Variants in ZFHX3 observed in about 807,000 individuals in gnomAD.
ZFHX3 encodes the protein zinc finger homeobox protein 3.
A neutral mutation model predicts 279.1 loss-of-function variants in ZFHX3; 42 were observed. The ratio of observed to expected loss-of-function variants is 0.15; its 90% confidence interval spans 0.12 to 0.19. The LOEUF (loss-of-function observed/expected upper bound fraction) is 0.19. Among genes scored for constraint, ZFHX3 ranks in the 10% least tolerant of loss-of-function variants. ZFHX3 has a pLI of 1.00. For missense variants in ZFHX3, 4,981 were observed against 4,754.0 expected (o/e 1.05, Z -1.40); for synonymous variants, 2,293 against 1,957.8 (o/e 1.17, Z -4.52).
chr16:73,240,834 G>A (rs1567427499), intron 5 of ZFHX3, among the ~76,000 whole-genome samples: 1 of 152,226 alleles, frequency 6.6e-6, no homozygotes. Context: ...TAGTGAAAGA[G>A]TAGAGTTTTG....
intron 3 of ZFHX3, among the ~76,000 whole-genome samples, chr16:73,433,897 TG>T (rs376426727): frequency 3.8e-4 from 58 of 152,274 alleles, no homozygotes; most frequent in African/African-American, 1.4e-3. Flanking sequence ...GAGGCTGCAC[TG>T]GGGTTATGTC....
intron 1 of ZFHX3, among the ~76,000 whole-genome samples, chr16:73,789,341 C>T (rs1394124228): frequency 3.3e-5 from 5 of 151,848 alleles, no homozygotes; most frequent in Non-Finnish European, 5.9e-5. Flanking sequence ...TCAGCACACC[C>T]GGCTAATTTT....
At chr16:73,444,053 G>A (rs923423030) in intron 3 of ZFHX3, among the ~76,000 whole-genome samples, 3 of 152,142 alleles carry the variant, frequency 2.0e-5, no homozygotes, top group Admixed American at 6.5e-5. Context: ...GAGCCACCAC[G>A]CCAAGTCCTT....
In ZFHX3 at chr16:72,795,744, C is replaced by T. The variant is rs763494543; in HGVS notation, c.6938G>A (p.Arg2313His). The T allele has an allele frequency of 1.2e-5, 19 of 1,614,068 alleles. No homozygotes were observed. Among genetic ancestry groups the T allele is most frequent in the South Asian group, 6.6e-5 (6 of 91,088 alleles). ...NQGEGKDGER[R>H]ELTNDRYIRT... ...AATGTATCTATCATTTGTAAGCTCA[C>T]GCCGCTCTCCATCTTTGCCCTCTCC... The change falls in exon 9 of 10, where the codon CGT becomes CAT. Residue 2313 changes from arginine (R) to histidine (H), a missense_variant. Transcript: ENST00000268489.
chr16:72,802,021 A>T (rs1019618358), intron 7 of ZFHX3, among the ~76,000 whole-genome samples: 1 of 151,126 alleles, frequency 6.6e-6, no homozygotes, highest in Non-Finnish European at 1.5e-5. Flanking sequence ...CATGAGAAAT[A>T]AAAAAAAAGC....
chr16:73,166,512 G>A (rs1967373392), intron 5 of ZFHX3, among the ~76,000 whole-genome samples: 2 of 152,108 alleles, frequency 1.3e-5, no homozygotes, highest in African/African-American at 4.8e-5. Context: ...AGTCAACTCA[G>A]CTCAACCAAT....
chr16:72,895,202 A>AGT (rs1356760944), intron 3 of ZFHX3, among the ~76,000 whole-genome samples: 1 of 152,228 alleles, frequency 6.6e-6, no homozygotes, highest in Non-Finnish European at 1.5e-5. Flanking sequence ...TGATGCAGGC[A>AGT]GTGTCAGCAG....
intron 4 of ZFHX3, among the ~76,000 whole-genome samples, chr16:73,312,308 C>T (rs1305290334): frequency 6.6e-6 from 1 of 152,074 alleles, no homozygotes; most frequent in Non-Finnish European, 1.5e-5. Flanking sequence ...ATGTGCTGTG[C>T]ATGGGCCCAG....
intron 1 of ZFHX3, among the ~76,000 whole-genome samples, chr16:73,753,385 T>C (rs328341): frequency 0.79 from 119,856 of 152,160 alleles, 47,628 homozygotes; most frequent in East Asian, 0.96. Flanking sequence ...CCACATATAC[T>C]GTGGCAGCAA....
Position 73,775,388 on chromosome 16 carries a change from C to T in ZFHX3, c.-1607-95148G>A, listed in dbSNP as rs867140874. Reference sequence around the variant, plus strand: ...TCTATTCACCTTCTGAATCTTTTAACCCCACCTCCCTCAGCTGAGAAAAGA... The same window carrying T: ...TCTATTCACCTTCTGAATCTTTTAATCCCACCTCCCTCAGCTGAGAAAAGA... On this transcript the variant is annotated intron_variant, in intron 1 of 17. Transcript: ENST00000641206. Among the ~76,000 whole-genome samples the T allele has an allele frequency of 3.9e-5, 6 of 152,256 alleles. No individual in the cohort carries two copies. The South Asian group carries it at 1.2e-3, about 32-fold the overall frequency.
At chr16:73,567,681 A>G (rs2020470218) in intron 2 of ZFHX3, among the ~76,000 whole-genome samples, 1 of 152,254 alleles carries the variant, frequency 6.6e-6, no homozygotes, top group Admixed American at 6.5e-5. Context: ...TCATCCATTT[A>G]TTTTGTTCTC....
chr16:73,777,450 C>A (rs1031764822), intron 1 of ZFHX3, among the ~76,000 whole-genome samples: 2 of 123,064 alleles, frequency 1.6e-5, no homozygotes, highest in Non-Finnish European at 3.2e-5. Flanking sequence ...TTGCAGTGAG[C>A]CAAGATCAAA....
intron 1 of ZFHX3, among the ~76,000 whole-genome samples, chr16:73,694,104 C>T (rs374379794): frequency 2.0e-5 from 3 of 151,936 alleles, no homozygotes; most frequent in African/African-American, 7.2e-5. Context: ...AGGCAAATCA[C>T]TTGAGGTCAG....
intron 8 of ZFHX3, among the ~76,000 whole-genome samples, chr16:73,090,935 G>C (rs1966070310): frequency 2.5e-5 from 3 of 117,910 alleles, no homozygotes; most frequent in Non-Finnish European, 4.6e-5. Context: ...AAAAAGGCAA[G>C]GCATGGTGGC....
At chr16:73,056,600 T>C (rs1216529793) in intron 1 of ZFHX3, among the ~76,000 whole-genome samples, 2 of 152,180 alleles carry the variant, frequency 1.3e-5, no homozygotes, top group African/African-American at 2.4e-5. Flanking sequence ...AATGAGCTAC[T>C]ATGGAGTGGA....
chr16:73,017,748 G>A (rs989704176), intron 1 of ZFHX3, among the ~76,000 whole-genome samples: 2 of 151,874 alleles, frequency 1.3e-5, no homozygotes, highest in Non-Finnish European at 2.9e-5. Context: ...TATCCAAGTG[G>A]CCCCAGTGTG....
At chr16:72,996,841 A>C (rs1333975687) in intron 1 of ZFHX3, among the ~76,000 whole-genome samples, 1 of 152,250 alleles carries the variant, frequency 6.6e-6, no homozygotes, top group East Asian at 1.9e-4. Context: ...CCAGGATCAC[A>C]AAGAAAAGAC....
At chr16:72,920,589 G>C (rs1229343668) in intron 3 of ZFHX3, among the ~76,000 whole-genome samples, 1 of 151,918 alleles carries the variant, frequency 6.6e-6, no homozygotes, top group Non-Finnish European at 1.5e-5. Context: ...CTCATCACTT[G>C]AACCCAGGAG....
intron 3 of ZFHX3, among the ~76,000 whole-genome samples, chr16:72,934,253 C>T (rs772346619): frequency 6.6e-6 from 1 of 151,986 alleles, no homozygotes; most frequent in East Asian, 1.9e-4. Context: ...GGTAAAACCC[C>T]GTGTCTGTTA....
Sources: allele counts gnomAD v4.1 joint callset (sites outside exome capture counted in the v4.1 genomes callset), GRCh38; gene constraint gnomAD v4.1.1; transcripts MANE v1.5; gene names NCBI Gene and HGNC (gene_info 2026-07-23, HGNC 2026-07-21).